EPHA4: variants seen among roughly 807,000 people sequenced by gnomAD.
EPHA4 encodes ephrin type-A receptor 4.
EPHA4 carries 19 observed loss-of-function variants against 108.3 expected under a neutral mutation model. The ratio of observed to expected loss-of-function variants is 0.18; its 90% confidence interval spans 0.12 to 0.26. EPHA4 has a LOEUF of 0.26. Ranked by LOEUF, EPHA4 falls within the 10% of genes least tolerant of loss-of-function variation. EPHA4 has a pLI of 1.00. For missense variants in EPHA4, 917 were observed against 1,254.0 expected (o/e 0.73, Z 4.06); for synonymous variants, 449 against 455.5 (o/e 0.99, Z 0.18).
At position 221,524,271 on chromosome 2, in the gene EPHA4, G is replaced by A. The variant is rs556617262; in HGVS notation, c.824-23099C>T. ...GTATCCAACCCATCAGGTACTGCCT[G>A]AGCACCCTTTAATGCTAGGCTTCGG... is the stretch of plus-strand genomic sequence containing the variant. On this transcript the variant is annotated intron_variant, in intron 3 of 17. Coordinates refer to ENST00000281821, the MANE Select transcript of EPHA4 (RefSeq NM_004438.5). Among the ~76,000 whole-genome samples the A allele has an allele frequency of 3.3e-5, 5 of 152,324 alleles. No individual in the cohort carries two copies. In the South Asian group the frequency reaches 1.0e-3, roughly 32 times the overall value.
intron 5 of EPHA4, among the ~76,000 whole-genome samples, chr2:221,471,444 T>G (rs1486718321): frequency 6.6e-6 from 1 of 152,144 alleles, no homozygotes; most frequent in Admixed American, 6.6e-5. Context: ...CAGCATGATA[T>G]CTAAGAAAGA....
At chr2:221,537,539 T>C (rs1387615868) in intron 3 of EPHA4, among the ~76,000 whole-genome samples, 3 of 152,236 alleles carry the variant, frequency 2.0e-5, no homozygotes, top group African/African-American at 7.2e-5. Flanking sequence ...GTAATGCAAG[T>C]ACTTTGGGAG....
intron 4 of EPHA4, among the ~76,000 whole-genome samples, chr2:221,499,682 A>G (rs1692411199): frequency 7.0e-6 from 1 of 142,794 alleles, no homozygotes; most frequent in Admixed American, 7.1e-5. Context: ...GTTAGGAAAC[A>G]AAATAATAAT....
At chr2:221,514,149 T>C (rs1692922931) in intron 3 of EPHA4, among the ~76,000 whole-genome samples, 1 of 152,006 alleles carries the variant, frequency 6.6e-6, no homozygotes, top group South Asian at 2.1e-4. Flanking sequence ...TGATGGGTCA[T>C]TGTCCCAAGA....
At chr2:221,559,192 T>C (rs1694386971) in intron 3 of EPHA4, among the ~76,000 whole-genome samples, 1 of 152,236 alleles carries the variant, frequency 6.6e-6, no homozygotes, top group African/African-American at 2.4e-5. Context: ...ATGACCTCAA[T>C]ATACAACAAA....
At chr2:221,572,352 G>T (rs1327377912), upstream of EPHA4, 2 of 1,032,524 alleles carry the variant, frequency 1.9e-6, no homozygotes, top group South Asian at 1.5e-5. Flanking sequence ...GGGCGGGCCC[G>T]GCCGGTGACG....
chr2:221,506,328 G>A (rs1692629304), intron 3 of EPHA4, among the ~76,000 whole-genome samples: 1 of 152,094 alleles, frequency 6.6e-6, no homozygotes. Flanking sequence ...AAAATGATGG[G>A]AAAGAAAAAA....
At chr2:221,505,103 C>A (rs1692591036) in intron 3 of EPHA4, among the ~76,000 whole-genome samples, 1 of 152,096 alleles carries the variant, frequency 6.6e-6, no homozygotes, top group Non-Finnish European at 1.5e-5. Context: ...GCTACACTGT[C>A]CATTAAAATA....
chr2:221,429,898 A>G, intron 15 of EPHA4, 60 bp downstream of exon 15: 1 of 1,583,760 alleles, frequency 6.3e-7, no homozygotes, highest in Non-Finnish European at 8.6e-7. Flanking sequence ...GTGAGTCACC[A>G]CTTGCCTGCC....
chr2:221,565,015 G>T (rs1197012842), intron 2 of EPHA4, among the ~76,000 whole-genome samples: 2 of 151,840 alleles, frequency 1.3e-5, no homozygotes, highest in Non-Finnish European at 2.9e-5. Context: ...AAATTTTATG[G>T]CTGGATTTCT....
chr2:221,446,024 A>G, intron 9 of EPHA4, 99 bp downstream of exon 9: 4 of 605,056 alleles, frequency 6.6e-6, no homozygotes, highest in Non-Finnish European at 1.0e-5. Context: ...ATTATATTAT[A>G]TAACATTAAT....
chr2:221,525,883 T>G (rs1054907786), intron 3 of EPHA4, among the ~76,000 whole-genome samples: 1 of 152,188 alleles, frequency 6.6e-6, no homozygotes, highest in Non-Finnish European at 1.5e-5. Flanking sequence ...AGAAATAATG[T>G]ATAATTCTTT....
intron 2 of EPHA4, among the ~76,000 whole-genome samples, chr2:221,568,201 C>T (rs1270038799): frequency 6.6e-6 from 1 of 152,242 alleles, no homozygotes; most frequent in Non-Finnish European, 1.5e-5. Flanking sequence ...CACAAGTTCA[C>T]ATGACTGTCT....
chr2:221,504,010 C>A (rs1692555859), intron 3 of EPHA4, among the ~76,000 whole-genome samples: 1 of 152,190 alleles, frequency 6.6e-6, no homozygotes, highest in African/African-American at 2.4e-5. Flanking sequence ...TGAAAACTTT[C>A]ACTATCTCTT....
At chr2:221,499,744 A>AC (rs1692424161) in intron 4 of EPHA4, among the ~76,000 whole-genome samples, 1 of 56,404 alleles carries the variant, frequency 1.8e-5, no homozygotes, top group Non-Finnish European at 3.2e-5. Context: ...ATATATATAT[A>AC]TATATATATA....
chr2:221,480,522 T>C (rs897546086), intron 5 of EPHA4, among the ~76,000 whole-genome samples: 8 of 152,154 alleles, frequency 5.3e-5, no homozygotes, highest in African/African-American at 1.4e-4. Flanking sequence ...ATATTTCCAT[T>C]GCATTCTTCC....
chr2:221,429,938 A>G lies in EPHA4; in HGVS notation c.2690+20T>C. The G allele has an allele frequency of 6.2e-7, 1 of 1,612,988 alleles. No homozygotes were observed. The stretch of plus-strand genomic sequence containing the variant: ...CTAATGTGTTCTTTCATACATCACT[A>G]TTAAGTAAGCATGGCTGACCTGGAG... On this transcript the variant is annotated intron_variant, in intron 15 of 17. Coordinates refer to ENST00000281821, the MANE Select transcript of EPHA4 (RefSeq NM_004438.5).
At chr2:221,443,359 TA>T in intron 10 of EPHA4, 133 bp downstream of exon 10, 1 of 630,894 alleles carries the variant, frequency 1.6e-6, no homozygotes, top group African/African-American at 1.8e-5. Context: ...CATGATATTT[TA>T]TACTCAAAAA....
chr2:221,516,445 C>T (rs1692992169), intron 3 of EPHA4, among the ~76,000 whole-genome samples: 1 of 150,292 alleles, frequency 6.7e-6, no homozygotes, highest in South Asian at 2.1e-4. Flanking sequence ...ACCTCCGCCT[C>T]TCAGGTTCAA....
Sources: allele counts gnomAD v4.1 joint callset (sites outside exome capture counted in the v4.1 genomes callset), GRCh38; gene constraint gnomAD v4.1.1; transcripts MANE v1.5; gene names NCBI Gene and HGNC (gene_info 2026-07-23, HGNC 2026-07-21).